Variants in KCNN2 observed in about 807,000 individuals in gnomAD.
KCNN2 encodes the protein potassium calcium-activated channel subfamily N member 2, also known as small conductance calcium-activated potassium channel protein 2.
In KCNN2, 24 loss-of-function variants were observed where a neutral mutation model predicts 55.5. The ratio of observed to expected loss-of-function variants is 0.43; its 90% CI spans 0.31 to 0.61. The LOEUF (loss-of-function observed/expected upper bound fraction) is 0.61. Among genes scored for constraint, KCNN2 ranks in the 20% least tolerant of loss-of-function variants. The probability of loss-of-function intolerance (pLI) is 0.08; values close to 1 mark genes in which losing one functional copy is unlikely to be tolerated. For synonymous variants in KCNN2, 431 were observed against 336.1 expected, an observed-to-expected ratio of 1.28 and a Z score of -3.09; for missense variants, 754 against 853.6, an observed-to-expected ratio of 0.88 and a Z score of 1.45.
intron 3 of KCNN2, among the ~76,000 whole-genome samples, chr5:114,455,078 A>G (rs979539661): frequency 2.6e-5 from 4 of 151,516 alleles, no homozygotes; most frequent in South Asian, 2.1e-4. Flanking sequence ...TTCTTTTTCA[A>G]TGTGTTACTT....
At chr5:114,371,018 A>G (rs952672280) in intron 2 of KCNN2, among the ~76,000 whole-genome samples, 2 of 152,186 alleles carry the variant, frequency 1.3e-5, no homozygotes, top group Non-Finnish European at 2.9e-5. Flanking sequence ...TGTAGCAGCC[A>G]TAGAGATGAG....
At chr5:114,387,591 C>CT (rs1758324135) in intron 2 of KCNN2, among the ~76,000 whole-genome samples, 1 of 152,202 alleles carries the variant, frequency 6.6e-6, no homozygotes, top group African/African-American at 2.4e-5. Flanking sequence ...GTATCACATG[C>CT]TTCTGGCATG....
intron 4 of KCNN2, among the ~76,000 whole-genome samples, chr5:114,472,260 C>T (rs1761779165): frequency 6.6e-6 from 1 of 152,164 alleles, no homozygotes; most frequent in Non-Finnish European, 1.5e-5. Flanking sequence ...AGAAGACTCT[C>T]ACAACTTGGA....
intron 1 of KCNN2, among the ~76,000 whole-genome samples, chr5:114,176,401 T>C (rs943555799): frequency 4.7e-4 from 72 of 152,206 alleles, no homozygotes; most frequent in African/African-American, 1.6e-3. Flanking sequence ...TTCAGTGATA[T>C]ATTAAGCCTG....
chr5:114,134,692 G>T (rs1337221947), intron 1 of KCNN2, among the ~76,000 whole-genome samples: 1 of 151,926 alleles, frequency 6.6e-6, no homozygotes, highest in African/African-American at 2.4e-5. Context: ...GGCCAGGCTG[G>T]TCTTCAACTC....
rs74339217 is a variant in KCNN2, at chr5:114,150,783, A to G, written c.-270-70697A>G. 3.2e-3 allele frequency among the ~76,000 whole-genome samples: 492 copies of G among 152,322 alleles called. 6 individuals carry two copies. Among genetic ancestry groups the G allele is most frequent in the African/African-American group, 0.011 (473 of 41,576 alleles). ...ACACCTGGAATCCCAGAACTTTGGA[A>G]GGCTGAAGCAGGCAGATCACCTCGG... On this transcript the variant is annotated intron_variant, in intron 1 of 10. Transcript: ENST00000512097.
At chr5:114,160,340 C>G (rs535175569) in intron 1 of KCNN2, among the ~76,000 whole-genome samples, 36 of 152,242 alleles carry the variant, frequency 2.4e-4, no homozygotes, top group African/African-American at 8.2e-4. Context: ...TTCCTGAGTT[C>G]TAGTTTGATT....
intron 3 of KCNN2, among the ~76,000 whole-genome samples, chr5:114,451,920 A>G (rs1054947784): frequency 6.6e-6 from 1 of 151,914 alleles, no homozygotes; most frequent in African/African-American, 2.4e-5. Context: ...AAAGAATCAA[A>G]TGGAATCCTG....
At chr5:114,408,765 A>G (rs745361582) in intron 3 of KCNN2, among the ~76,000 whole-genome samples, 2 of 152,174 alleles carry the variant, frequency 1.3e-5, no homozygotes, top group African/African-American at 2.4e-5. Context: ...TACATGCCAT[A>G]TATTTTCTTT....
chr5:114,348,683 C>T (rs1038652284), intron 2 of KCNN2, among the ~76,000 whole-genome samples: 3 of 152,126 alleles, frequency 2.0e-5, no homozygotes, highest in African/African-American at 4.8e-5. Context: ...TTTACAAACT[C>T]TGTGGATAGA....
upstream of KCNN2, chr5:114,360,952 G>A (rs1757401598): frequency 6.5e-6 from 1 of 153,442 alleles, no homozygotes; most frequent in Admixed American, 6.5e-5. Flanking sequence ...CAGGTGAGGA[G>A]GAGGAAGAGA....
intron 2 of KCNN2, among the ~76,000 whole-genome samples, chr5:114,389,217 G>A (rs73782223): frequency 6.6e-6 from 1 of 151,916 alleles, no homozygotes; most frequent in African/African-American, 2.4e-5. Flanking sequence ...CATTGTATAT[G>A]TTCGTTTCTC....
At chr5:114,379,068 C>T (rs1758024096) in intron 2 of KCNN2, among the ~76,000 whole-genome samples, 1 of 152,226 alleles carries the variant, frequency 6.6e-6, no homozygotes, top group African/African-American at 2.4e-5. Flanking sequence ...CTTAGAAGCC[C>T]CTCAGGGCCG....
At chr5:114,277,556 A>C (rs1178261256) in intron 2 of KCNN2, among the ~76,000 whole-genome samples, 1 of 152,082 alleles carries the variant, frequency 6.6e-6, no homozygotes, top group African/African-American at 2.4e-5. Flanking sequence ...GTTGTCTCTA[A>C]TCTTGTCTTC....
intron 1 of KCNN2, among the ~76,000 whole-genome samples, chr5:114,066,493 G>A (rs539622739): frequency 3.9e-5 from 6 of 152,356 alleles, no homozygotes; most frequent in South Asian, 4.1e-4. Context: ...AATGAATGCC[G>A]GGATGGCAGT....
chr5:114,199,902 T>C (rs1264758425), intron 1 of KCNN2, among the ~76,000 whole-genome samples: 1 of 152,142 alleles, frequency 6.6e-6, no homozygotes, highest in Non-Finnish European at 1.5e-5. Flanking sequence ...GGGTTTTCTT[T>C]ATAGGTGACT....
chr5:114,262,388 C>T lies in KCNN2; in HGVS notation c.-185+40823C>T, dbSNP rs748007368. Reference sequence around the variant, plus strand: ...AATGTTTTGGTTCATTAAAGCAAATCGCAGTTAAAACACAAGAAGTTATAT... The same window carrying T: ...AATGTTTTGGTTCATTAAAGCAAATTGCAGTTAAAACACAAGAAGTTATAT... On this transcript the variant is annotated intron_variant, in intron 2 of 10. Coordinates refer to the KCNN2 transcript ENST00000512097. Among the ~76,000 whole-genome samples, 30 of 152,124 alleles carry T rather than the reference C, an allele frequency of 2.0e-4. 1 individual carries two copies. The highest frequency in any genetic ancestry group is 1.0e-4 in the Non-Finnish European group (7 of 68,030).
intron 2 of KCNN2, among the ~76,000 whole-genome samples, chr5:114,284,027 C>T (rs1755682315): frequency 6.6e-6 from 1 of 152,160 alleles, no homozygotes; most frequent in African/African-American, 2.4e-5. Context: ...AGGGGATATT[C>T]TTCAGGTTCT....
At chr5:114,433,243 C>G (rs2150088319) in intron 3 of KCNN2, among the ~76,000 whole-genome samples, 1 of 152,254 alleles carries the variant, frequency 6.6e-6, no homozygotes, top group East Asian at 1.9e-4. Flanking sequence ...GTAAATACAC[C>G]AATCAGCACC....
Sources: gnomAD v4.1 joint callset for allele counts (sites outside exome capture counted in the v4.1 genomes callset) on GRCh38, gnomAD v4.1.1 for gene constraint, MANE v1.5 for transcripts, NCBI Gene and HGNC (gene_info 2026-07-23, HGNC 2026-07-21) for gene names.